Variants in CCDC125 observed in about 807,000 individuals in gnomAD.
The protein encoded by CCDC125 is coiled-coil domain-containing protein 125.
CCDC125 carries 43 observed loss-of-function variants against 57.4 expected under a neutral mutation model. That is an observed-to-expected ratio of 0.75 (90% confidence interval 0.59 to 0.97). The LOEUF (loss-of-function observed/expected upper bound fraction) is 0.97, where lower values mean the gene tolerates loss of function less well. Ranked by LOEUF, CCDC125 falls within the 50% of genes least tolerant of loss-of-function variation. The pLI, the probability that CCDC125 is intolerant of heterozygous loss-of-function variation, is 0.00. For synonymous variants in CCDC125, 187 were observed against 195.2 expected (o/e 0.96, Z 0.35); for missense variants, 563 against 595.7 (o/e 0.95, Z 0.57).
intron 6 of CCDC125, among the ~76,000 whole-genome samples, chr5:69,306,579 A>G (rs1385802155): frequency 3.3e-5 from 5 of 152,146 alleles, no homozygotes; most frequent in East Asian, 3.9e-4. Flanking sequence ...CCTCAGATCC[A>G]AGTGCCAAAG....
At chr5:69,278,667 T>C (rs1752318591), downstream of CCDC125, among the ~76,000 whole-genome samples, 1 of 150,632 alleles carries the variant, frequency 6.6e-6, no homozygotes, top group South Asian at 2.1e-4. Context: ...GTTTTGGGTC[T>C]CAAAATTGTA....
chr5:69,332,575 C>T (rs1761546212), intron 1 of CCDC125, 74 bp downstream of exon 1: 1 of 152,268 alleles, frequency 6.6e-6, no homozygotes, highest in African/African-American at 2.4e-5. Flanking sequence ...GGCAGTTTGT[C>T]CACAACCTGC....
intron 10 of CCDC125, among the ~76,000 whole-genome samples, chr5:69,285,682 G>A (rs1753224979): frequency 6.6e-6 from 1 of 152,204 alleles, no homozygotes; most frequent in Admixed American, 6.5e-5. Context: ...CTCTGTGCCA[G>A]CTGACACACA....
In CCDC125 at chr5:69,292,201, G is replaced by A; in HGVS notation, c.1086C>T (p.His362=). 1 of 1,612,332 alleles carries A rather than the reference G, an allele frequency of 6.2e-7. No individual in the cohort carries two copies. Among genetic ancestry groups the A allele is most frequent in the Non-Finnish European group, 8.5e-7 (1 of 1,179,462 alleles). The change falls in exon 10 of 12, where the codon CAC becomes CAT. Residue 362 remains histidine, a synonymous_variant. Coordinates refer to ENST00000396496, the MANE Select transcript of CCDC125 (RefSeq NM_176816.5). ...KKATKWMNWK[H]LKEDGFPSPR... is the part of the protein sequence containing the mutation. ...ATTCATAGTTACCATCCTCTTTAAG[G>A]TGCTTCCAATTCATCCATTTTGTTG...
intron 11 of CCDC125, among the ~76,000 whole-genome samples, chr5:69,283,290 A>G (rs1264402917): frequency 2.2e-5 from 3 of 138,630 alleles, no homozygotes; most frequent in Non-Finnish European, 3.1e-5. Context: ...CACTATCTCC[A>G]CTCACTGCAA....
At chr5:69,283,080 CAG>C in intron 11 of CCDC125, 46 bp from the exon 12 acceptor site, 5 of 1,417,176 alleles carry the variant, frequency 3.5e-6, no homozygotes, top group Non-Finnish European at 4.8e-6. Context: ...CAATAAATCA[CAG>C]AATATATTCA....
At position 69,282,517 on chromosome 5, in the gene CCDC125, C is replaced by T. The variant is rs1270663773; in HGVS notation, c.*212G>A. On this transcript the variant is annotated 3_prime_UTR_variant, in exon 12 of 12. Coordinates refer to ENST00000396496, the MANE Select transcript of CCDC125 (RefSeq NM_176816.5). ...CGGAGGTTGCAGTGAACCGAGATCA[C>T]ACCACTGCACTCCAACCTGGGTGAC... The T allele has an allele frequency of 1.5e-5, 7 of 467,646 alleles. No individual in the cohort carries two copies. Among genetic ancestry groups the T allele is most frequent in the Non-Finnish European group, 2.2e-5 (6 of 269,240 alleles). 29.0% of individuals were successfully genotyped at this position (467,646 alleles called of 1,614,324 possible).
chr5:69,294,738 C>G (rs1321568307), intron 9 of CCDC125, 55 bp downstream of exon 9: 2 of 1,248,826 alleles, frequency 1.6e-6, no homozygotes, highest in Non-Finnish European at 2.3e-6. Flanking sequence ...TCCATTTATT[C>G]TACTATTAAC....
At chr5:69,288,979 T>C (rs183425164) in intron 10 of CCDC125, among the ~76,000 whole-genome samples, 1 of 152,334 alleles carries the variant, frequency 6.6e-6, no homozygotes, top group Non-Finnish European at 1.5e-5. Flanking sequence ...GTAGGAATTA[T>C]GGAACATCAA....
chr5:69,299,312 T>C (rs539129748), intron 8 of CCDC125, among the ~76,000 whole-genome samples: 1 of 152,270 alleles, frequency 6.6e-6, no homozygotes, highest in South Asian at 2.1e-4. Context: ...GGTTTCACCA[T>C]GTTAGCCAGG....
At chr5:69,304,064 G>T in intron 6 of CCDC125, 135 bp from the exon 7 acceptor site, 1 of 540,860 alleles carries the variant, frequency 1.8e-6, no homozygotes. Context: ...GAATTTACAC[G>T]TATCACAAAA....
chr5:69,305,467 C>T (rs752671485), intron 6 of CCDC125, among the ~76,000 whole-genome samples: 1 of 152,148 alleles, frequency 6.6e-6, no homozygotes, highest in African/African-American at 2.4e-5. Context: ...CCTGCCTCAG[C>T]CTCCCAAAAT....
chr5:69,295,037 C>T (rs1755096054), intron 8 of CCDC125, 137 bp from the exon 9 acceptor site: 1 of 572,246 alleles, frequency 1.7e-6, no homozygotes, highest in Admixed American at 3.6e-5. Flanking sequence ...AAAGGAAAAA[C>T]AAAATAGAAG....
chr5:69,317,973 A>ATT (rs34680998), intron 2 of CCDC125, among the ~76,000 whole-genome samples: 865 of 82,356 alleles, frequency 0.011, 66 homozygotes, highest in African/African-American at 0.015. Context: ...TGTCTCTAGA[A>ATT]TTTTTTTTTT....
intron 1 of CCDC125, among the ~76,000 whole-genome samples, chr5:69,321,958 T>G (rs765122010): frequency 4.6e-5 from 7 of 152,062 alleles, no homozygotes; most frequent in Non-Finnish European, 8.8e-5. Context: ...TGCCTCAGCC[T>G]CCCAAGTAGC....
chr5:69,274,732 C>T, the CCDC125 span, among the ~76,000 whole-genome samples: 4 of 152,044 alleles, frequency 2.6e-5, no homozygotes, highest in African/African-American at 4.8e-5. Flanking sequence ...TCTCCTGTCT[C>T]AGCCTCCCTA....
rs34680998 is a variant in CCDC125 at position 69,317,973 on chromosome 5, ATT to A, written c.304+2262_304+2263del. 8.3e-3 allele frequency among the ~76,000 whole-genome samples: 686 copies of A among 82,300 alleles called. 3 individuals carry two copies. Among genetic ancestry groups the A allele is most frequent in the African/African-American group, 0.031 (660 of 21,038 alleles). 54.0% of individuals were successfully genotyped at this position (82,300 alleles called of 152,430 possible). A position where few individuals can be genotyped will look rare whatever the true frequency, so the allele number is the denominator to read the frequency against. ...AACATAGTGAGACCTTGTCTCTAGA[ATT>A]TTTTTTTTTTTTTTTTTTTTTTTTT... is the stretch of plus-strand genomic sequence containing the variant. On this transcript the variant is annotated intron_variant, in intron 2 of 11. Transcript: ENST00000396496.
chr5:69,275,735 A>G (rs538982227), downstream of CCDC125, among the ~76,000 whole-genome samples: 39 of 152,192 alleles, frequency 2.6e-4, no homozygotes, highest in Non-Finnish European at 1.2e-4. Context: ...GCTCTTAGGG[A>G]GGCGGAGGCG....
At position 69,283,086 on chromosome 5, in the gene CCDC125, A is replaced by G. The variant is rs139343981; in HGVS notation, c.1231-52T>C. 32 of 1,378,624 alleles carry G rather than the reference A, an allele frequency of 2.3e-5. No individual in the cohort carries two copies. The African/African-American group carries it at 4.5e-4, about 19-fold the overall frequency. 85.4% of individuals were successfully genotyped at this position (1,378,624 alleles called of 1,614,324 possible). A position where few individuals can be genotyped will look rare whatever the true frequency, so the allele number is the denominator to read the frequency against. ...CAAGTTAGTCAATAAATCACAGAAT[A>G]TATTCAGAGAAAGGAGTATTGTACT... is the stretch of plus-strand genomic sequence containing the variant. On this transcript the variant is annotated intron_variant, in intron 11 of 11. Transcript: ENST00000396496.
Sources: allele counts gnomAD v4.1 joint callset (sites outside exome capture counted in the v4.1 genomes callset), GRCh38; gene constraint gnomAD v4.1.1; transcripts MANE v1.5; gene names NCBI Gene and HGNC (gene_info 2026-07-23, HGNC 2026-07-21).